DUSP11: variants seen among roughly 807,000 people sequenced by gnomAD.
The protein encoded by DUSP11 is RNA/RNP complex-1-interacting phosphatase.
In DUSP11, 27 loss-of-function variants were observed where a neutral mutation model predicts 41.4. The ratio of observed to expected loss-of-function variants is 0.65; its 90% CI spans 0.48 to 0.90. The LOEUF is 0.90. Ranked by LOEUF, DUSP11 falls within the 40% of genes least tolerant of loss-of-function variation. The pLI, the probability that DUSP11 is intolerant of heterozygous loss-of-function variation, is 0.00. For synonymous variants in DUSP11, 188 were observed against 159.3 expected (o/e 1.18, Z -1.35); for missense variants, 465 against 461.1 (o/e 1.01, Z -0.08).
intron 4 of DUSP11, among the ~76,000 whole-genome samples, chr2:73,773,098 G>A (rs985400849): frequency 6.6e-6 from 1 of 152,130 alleles, no homozygotes; most frequent in Non-Finnish European, 1.5e-5. Context: ...AAGGCAACTG[G>A]ATCCTTAAGA....
At chr2:73,774,370 A>G (rs1268855434) in intron 3 of DUSP11, among the ~76,000 whole-genome samples, 1 of 152,164 alleles carries the variant, frequency 6.6e-6, no homozygotes, top group Admixed American at 6.5e-5. Flanking sequence ...GGTGGGAGAA[A>G]AGTAGATACA....
exon 1 of DUSP11, chr2:73,779,974 T>G: frequency 6.2e-7 from 1 of 1,614,216 alleles, no homozygotes; most frequent in Non-Finnish European, 8.5e-7. Flanking sequence ...CACTGGCTCA[T>G]GTGGGTCCCA....
At chr2:73,765,005 C>T (rs1340543047) in intron 8 of DUSP11, among the ~76,000 whole-genome samples, 1 of 152,118 alleles carries the variant, frequency 6.6e-6, no homozygotes, top group Admixed American at 6.6e-5. Flanking sequence ...AATTAATAGG[C>T]AAGAATAATA....
intron 5 of DUSP11, chr2:73,768,501 G>A (rs748493415): frequency 1.1e-4 from 107 of 985,240 alleles, no homozygotes; most frequent in Non-Finnish European, 1.2e-4. Context: ...CATACTATTT[G>A]ATTAAGAAAT....
chr2:73,767,289 T>C (rs1006769857), intron 5 of DUSP11, 82 bp from the exon 6 acceptor site: 33 of 992,206 alleles, frequency 3.3e-5, no homozygotes, highest in Admixed American at 2.0e-5. Context: ...AATTTCAACT[T>C]ATAGACATAG....
At chr2:73,766,864 T>C in exon 7 of DUSP11, 1 of 1,613,442 alleles carries the variant, frequency 6.2e-7, no homozygotes, top group Non-Finnish European at 8.5e-7. Context: ...TTCAATGTAG[T>C]TTTGTCTTTC....
In DUSP11 at chr2:73,766,813, T is replaced by A. The variant is rs1430559882; in HGVS notation, c.758+15A>T. 1.1e-5 allele frequency: 18 copies of A among 1,591,272 alleles called. No homozygotes were observed. The highest frequency in any genetic ancestry group is 1.6e-5 in the Non-Finnish European group (18 of 1,160,338). On this transcript the variant is annotated intron_variant, in intron 7 of 8. Transcript: ENST00000272444. ...CCCTGACCCACAAATCTCACATATA[T>A]AACATAAGACTTACTTTCTGATAGG...
intron 5 of DUSP11, chr2:73,768,958 TAA>T (rs752612978): frequency 0.015 from 1,305 of 88,192 alleles, no homozygotes; most frequent in Middle Eastern, 0.049. Context: ...TCCGTCTCAA[TAA>T]AAAAAAAAAA....
intron 2 of DUSP11, among the ~76,000 whole-genome samples, chr2:73,777,046 T>A (rs1672702809): frequency 6.6e-6 from 1 of 152,144 alleles, no homozygotes; most frequent in African/African-American, 2.4e-5. Context: ...AGTGGCATGA[T>A]CATGGCTCAC....
rs201101216 is a variant in DUSP11 at position 73,774,900 on chromosome 2, G to T, written c.450+13C>A. 44 of 1,515,100 alleles carry T rather than the reference G, an allele frequency of 2.9e-5. No individual in the cohort carries two copies. In the African/African-American group the frequency reaches 5.7e-4, roughly 20 times the overall value. 93.9% of individuals were successfully genotyped at this position (1,515,100 alleles called of 1,614,324 possible). A position where few individuals can be genotyped will look rare whatever the true frequency, so the allele number is the denominator to read the frequency against. On this transcript the variant is annotated intron_variant, in intron 3 of 8. Transcript: ENST00000272444. ...AAGGAAGAAAGTTCTTTTCATTGAAGGGTTCCACTTACCTCTGGTTTATAA... is the reference window on the plus strand; with the variant it reads ...AAGGAAGAAAGTTCTTTTCATTGAATGGTTCCACTTACCTCTGGTTTATAA...
chr2:73,763,182 T>C (rs963359075), intron 8 of DUSP11, among the ~76,000 whole-genome samples: 2 of 152,276 alleles, frequency 1.3e-5, no homozygotes, highest in Admixed American at 6.5e-5. Context: ...CCTACAGAGA[T>C]AAATGCATGC....
chr2:73,768,689 G>A, intron 5 of DUSP11: 3 of 984,974 alleles, frequency 3.0e-6, no homozygotes, highest in Non-Finnish European at 3.6e-6. Flanking sequence ...AGGCGCGGTG[G>A]CTCACTCCTG....
In DUSP11 at chr2:73,773,932, C is replaced by A; in HGVS notation, c.451-9G>T. On this transcript the variant is annotated splice_polypyrimidine_tract_variant and intron_variant, in intron 3 of 8. Coordinates refer to ENST00000272444, the Ensembl canonical transcript of DUSP11. ...ACAGTTTCTGGCAAATCCTATAAAG[C>A]AAAACCATAAAAGATGTGTATTATT... 1.3e-6 allele frequency: 2 copies of A among 1,565,646 alleles called. No individual in the cohort carries two copies. The highest frequency in any genetic ancestry group is 1.2e-5 in the South Asian group (1 of 83,464).
intron 2 of DUSP11, 97 bp from the exon 3 acceptor site, chr2:73,775,141 T>C (rs1672654007): frequency 9.4e-7 from 1 of 1,067,800 alleles, no homozygotes; most frequent in Non-Finnish European, 1.3e-6. Flanking sequence ...TACAACGAGA[T>C]TCAAAGGAAA....
intron 2 of DUSP11, among the ~76,000 whole-genome samples, chr2:73,775,778 C>T (rs1160956955): frequency 4.8e-5 from 7 of 144,764 alleles, no homozygotes; most frequent in Non-Finnish European, 1.5e-5. Flanking sequence ...GGCGTGAACC[C>T]GGGAGGCAGA....
intron 8 of DUSP11, among the ~76,000 whole-genome samples, chr2:73,765,994 C>G (rs1049435888): frequency 6.6e-6 from 1 of 152,152 alleles, no homozygotes; most frequent in Non-Finnish European, 1.5e-5. Flanking sequence ...AATAATATCT[C>G]CTGGTTCAAA....
rs145177748 is a variant in DUSP11 at position 73,768,337 on chromosome 2, T to C, written c.635+928A>G. 3.4e-3 allele frequency: 1,472 copies of C among 435,640 alleles called. 23 individuals are homozygous for C. The highest frequency in any genetic ancestry group is 0.03 in the African/African-American group (1,390 of 46,602). 27.0% of individuals were successfully genotyped at this position (435,640 alleles called of 1,614,324 possible). ...GTGTGATTCTTTAATATCTACTCCC[T>C]CCCTAGACTGTTAGGACGCACAAAG... On this transcript the variant is annotated intron_variant, in intron 5 of 8. Transcript: ENST00000272444.
intron 1 of DUSP11, among the ~76,000 whole-genome samples, chr2:73,779,292 A>G (rs1178645234): frequency 2.0e-5 from 3 of 152,248 alleles, no homozygotes; most frequent in Non-Finnish European, 4.4e-5. Context: ...TAAAATGAAG[A>G]GGATTTATTG....
At position 73,778,255 on chromosome 2, in the gene DUSP11, G is replaced by C. The variant is rs1672721612; in HGVS notation, c.318+46C>G. ...TAGAGTGGAGAGCAGTGTTCTGCAT[G>C]GTGAACTCAGATGCCTGAAAGAATA... is the stretch of plus-strand genomic sequence containing the variant. On this transcript the variant is annotated intron_variant, in intron 2 of 8. Transcript: ENST00000272444. 3.1e-6 allele frequency: 4 copies of C among 1,309,144 alleles called. No individual in the cohort carries two copies. The Admixed American group carries it at 8.2e-5, about 27-fold the overall frequency. The allele number at this position is 1,309,144 out of a possible 1,614,324, so 81.1% of individuals were successfully genotyped here. A position where few individuals can be genotyped will look rare whatever the true frequency, so the allele number is the denominator to read the frequency against.
Sources: allele counts gnomAD v4.1 joint callset (sites outside exome capture counted in the v4.1 genomes callset), GRCh38; gene constraint gnomAD v4.1.1; transcripts MANE v1.5; gene names NCBI Gene and HGNC (gene_info 2026-07-23, HGNC 2026-07-21).